PCDH11X: variants seen among roughly 807,000 people sequenced by gnomAD.
The protein encoded by PCDH11X is protocadherin-11 X-linked.
In PCDH11X, 18 loss-of-function variants were observed where a neutral mutation model predicts 53.3. The ratio of observed to expected loss-of-function variants is 0.34; its 90% CI spans 0.23 to 0.50. The LOEUF is 0.50. PCDH11X is among the 20% of genes least tolerant of loss of function. The probability of loss-of-function intolerance (pLI) is 0.98; values close to 1 mark genes in which losing one functional copy is unlikely to be tolerated. For synonymous variants in PCDH11X, 279 were observed against 393.3 expected (o/e 0.71, Z 3.44); for missense variants, 570 against 1,032.4 (o/e 0.55, Z 6.14).
intron 10 of PCDH11X, among the ~76,000 whole-genome samples, chrX:92,506,096 T>C (rs776951121): frequency 9.0e-6 from 1 of 110,956 alleles, no homozygotes; most frequent in South Asian, 3.8e-4. Context: ...TATGGAATCA[T>C]ATGATCTGTG....
intron 6 of PCDH11X, among the ~76,000 whole-genome samples, chrX:92,177,135 G>A (rs1344501256): frequency 9.2e-6 from 1 of 108,576 alleles, no homozygotes; most frequent in Non-Finnish European, 1.9e-5. Context: ...GCACCACCAC[G>A]CCCAGCTAAT....
intron 8 of PCDH11X, among the ~76,000 whole-genome samples, chrX:92,287,699 T>C (rs750054000): frequency 1.2e-4 from 14 of 112,107 alleles, no homozygotes; most frequent in African/African-American, 4.5e-4. Context: ...ATTATTTCTT[T>C]AGGCTTCGCA....
chrX:92,440,161 G>T (rs1195832665), intron 9 of PCDH11X, among the ~76,000 whole-genome samples: 1 of 105,220 alleles, frequency 9.5e-6, no homozygotes, highest in Non-Finnish European at 2.0e-5. Flanking sequence ...GATCTTGAAT[G>T]GTTTTTTTAG....
intron 9 of PCDH11X, among the ~76,000 whole-genome samples, chrX:92,394,871 A>G (rs774549016): frequency 2.7e-5 from 3 of 111,524 alleles, no homozygotes; most frequent in African/African-American, 9.7e-5. Flanking sequence ...ATAACTTGCA[A>G]CTCTCATGAT....
intron 6 of PCDH11X, among the ~76,000 whole-genome samples, chrX:91,940,931 T>G (rs2061501543): frequency 9.1e-6 from 1 of 110,299 alleles, no homozygotes; most frequent in Non-Finnish European, 1.9e-5. Flanking sequence ...CTATTAGTAG[T>G]AAAGCAACCA....
intron 6 of PCDH11X, among the ~76,000 whole-genome samples, chrX:91,945,925 T>C (rs1423096749): frequency 9.1e-6 from 1 of 110,099 alleles, no homozygotes; most frequent in African/African-American, 3.3e-5. Context: ...ACTTTTGGCA[T>C]GAAACAATGA....
At position 92,254,248 on chromosome X, in the gene PCDH11X, G is replaced by C. The variant is rs751749932; in HGVS notation, c.3115-8866G>C. Among the ~76,000 whole-genome samples the C allele has an allele frequency of 2.7e-5, 3 of 111,540 alleles. No individual in the cohort carries two copies. The South Asian group carries it at 1.1e-3, about 42-fold the overall frequency. On this transcript the variant is annotated intron_variant, in intron 7 of 10. Coordinates refer to ENST00000682573, the MANE Select transcript of PCDH11X (RefSeq NM_032968.5). ...CATTGATTGGTTTGTGTACATTGGAGACTAGGATTGCAACCCCTGCCTTTT... is the reference window on the plus strand; with the variant it reads ...CATTGATTGGTTTGTGTACATTGGACACTAGGATTGCAACCCCTGCCTTTT...
intron 6 of PCDH11X, among the ~76,000 whole-genome samples, chrX:91,958,609 C>T (rs758389513): frequency 3.6e-5 from 4 of 110,666 alleles, no homozygotes; most frequent in Admixed American, 9.6e-5. Context: ...TGCCACTCCC[C>T]CACGGGCCAT....
At chrX:92,083,536 G>A (rs1337773815) in intron 6 of PCDH11X, among the ~76,000 whole-genome samples, 1 of 111,439 alleles carries the variant, frequency 9.0e-6, no homozygotes, top group Non-Finnish European at 1.9e-5. Flanking sequence ...TTTTAAATAT[G>A]AGGGGAATTT....
intron 6 of PCDH11X, among the ~76,000 whole-genome samples, chrX:92,054,548 C>T (rs1266276602): frequency 4.5e-5 from 5 of 111,375 alleles, no homozygotes; most frequent in Admixed American, 9.6e-5. Context: ...GTGCCGGGTA[C>T]GGTGGCTCAC....
chrX:91,924,685 C>A (rs976853646), intron 6 of PCDH11X, among the ~76,000 whole-genome samples: 1 of 111,510 alleles, frequency 9.0e-6, no homozygotes, highest in Non-Finnish European at 1.9e-5. Flanking sequence ...CTATTGCTGG[C>A]TTTGTTTTTT....
intron 6 of PCDH11X, among the ~76,000 whole-genome samples, chrX:92,199,522 A>G (rs184473236): frequency 9.0e-6 from 1 of 111,706 alleles, no homozygotes; most frequent in East Asian, 2.8e-4. Context: ...TCATTTTCTT[A>G]AAACAGTCAA....
At chrX:91,949,391 G>A (rs758439534) in intron 6 of PCDH11X, among the ~76,000 whole-genome samples, 1 of 110,214 alleles carries the variant, frequency 9.1e-6, no homozygotes, top group Non-Finnish European at 1.9e-5. Context: ...TGTCGCTTCT[G>A]AATAGATGAG....
intron 10 of PCDH11X, among the ~76,000 whole-genome samples, chrX:92,551,547 A>G (rs2074955072): frequency 9.4e-6 from 1 of 106,335 alleles, no homozygotes; most frequent in Admixed American, 1.0e-4. Flanking sequence ...TCTGCTGTGC[A>G]GAAGCTTTTT....
chrX:92,279,110 C>T (rs1350355802), intron 8 of PCDH11X, among the ~76,000 whole-genome samples: 1 of 111,879 alleles, frequency 8.9e-6, no homozygotes, highest in Non-Finnish European at 1.9e-5. Flanking sequence ...CATGCCCAGC[C>T]TCTTTTTAGC....
chrX:92,340,519 G>T, intron 8 of PCDH11X, among the ~76,000 whole-genome samples: 1 of 112,105 alleles, frequency 8.9e-6, no homozygotes, highest in Admixed American at 9.4e-5. Flanking sequence ...TCTTGACTCA[G>T]TGCACCCACA....
chrX:92,232,534 TA>T (rs1437198194), intron 7 of PCDH11X, among the ~76,000 whole-genome samples: 1 of 112,040 alleles, frequency 8.9e-6, no homozygotes, highest in Non-Finnish European at 1.9e-5. Flanking sequence ...CAGACATCTC[TA>T]CTCATCAATT....
intron 6 of PCDH11X, among the ~76,000 whole-genome samples, chrX:92,158,225 A>G (rs1276125969): frequency 8.9e-6 from 1 of 111,736 alleles, no homozygotes; most frequent in Non-Finnish European, 1.9e-5. Context: ...TAAAAACAAA[A>G]CAAAACAAAA....
At chrX:92,532,812 C>T (rs1253622996) in intron 10 of PCDH11X, among the ~76,000 whole-genome samples, 6 of 111,576 alleles carry the variant, frequency 5.4e-5, no homozygotes, top group Non-Finnish European at 1.1e-4. Flanking sequence ...CACAATTCCA[C>T]GTGGCTGGAG....
Sources: allele counts gnomAD v4.1 joint callset (sites outside exome capture counted in the v4.1 genomes callset), GRCh38; gene constraint gnomAD v4.1.1; transcripts MANE v1.5; gene names NCBI Gene and HGNC (gene_info 2026-07-23, HGNC 2026-07-21).